Variants in CASZ1 observed in about 807,000 individuals in gnomAD.
CASZ1 encodes the protein zinc finger protein castor homolog 1.
A neutral mutation model predicts 135.2 loss-of-function variants in CASZ1; 28 were observed. That is an observed-to-expected ratio of 0.21 (90% CI 0.15 to 0.28). CASZ1 has a LOEUF of 0.28. CASZ1 is among the 10% of genes least tolerant of loss of function. CASZ1 has a pLI of 1.00. For missense variants in CASZ1, 2,161 were observed against 2,453.3 expected, an observed-to-expected ratio of 0.88 and a Z score of 2.52; for synonymous variants, 1,068 against 1,073.4, an observed-to-expected ratio of 0.99 and a Z score of 0.10.
intron 4 of CASZ1, among the ~76,000 whole-genome samples, chr1:10,678,177 G>A (rs912740348): frequency 5.3e-5 from 8 of 152,190 alleles, no homozygotes; most frequent in African/African-American, 7.2e-5. Context: ...AGAGGAACAC[G>A]GGGTGGCACA....
rs1400568467 is a variant in CASZ1, at chr1:10,767,558, G to A, written c.-233-6701C>T. Among the ~76,000 whole-genome samples the A allele has an allele frequency of 6.6e-6, 1 of 152,190 alleles. No homozygotes were observed. Among genetic ancestry groups the A allele is most frequent in the East Asian group, 1.9e-4 (1 of 5,198 alleles). Reference sequence around the variant, plus strand: ...AGCAGCTGCCTGCCCCGAGAGGTTTGGTCCACACCTGCTCGGAGACCAGGC... The same window carrying A: ...AGCAGCTGCCTGCCCCGAGAGGTTTAGTCCACACCTGCTCGGAGACCAGGC... On this transcript the variant is annotated intron_variant, in intron 1 of 20. Transcript: ENST00000377022. The surrounding 1 kb of genome is among the most constrained non-coding windows in gnomAD (Gnocchi z 4.2).
chr1:10,747,993 A>AT lies in CASZ1; in HGVS notation c.-77+12707dup, dbSNP rs1480720253. Among the ~76,000 whole-genome samples, 4 of 151,798 alleles carry AT rather than the reference A, an allele frequency of 2.6e-5. No homozygotes were observed. The highest frequency in any genetic ancestry group is 7.3e-5 in the African/African-American group (3 of 41,292). On this transcript the variant is annotated intron_variant, in intron 2 of 20. Coordinates refer to ENST00000377022, the MANE Select transcript of CASZ1 (RefSeq NM_001079843.3). This position sits in a 1 kb window ranked among gnomAD's most constrained non-coding sequence, Gnocchi z 4.3. ...CACCACGCCCGGCTAAGTTTTTTGT[A>AT]TTTTTTAGTGGAGACGGGGTTTCAC...
At chr1:10,743,340 G>A (rs537792913) in intron 2 of CASZ1, among the ~76,000 whole-genome samples, 10 of 151,466 alleles carry the variant, frequency 6.6e-5, no homozygotes, top group Non-Finnish European at 3.0e-5. Flanking sequence ...CTGTCCCCAC[G>A]GTCGGAGAAG....
chr1:10,647,548 C>A lies in CASZ1; in HGVS notation c.3497+253G>T, dbSNP rs1557461178. 2.2e-6 allele frequency: 3 copies of A among 1,387,296 alleles called. No homozygotes were observed. The highest frequency in any genetic ancestry group is 1.9e-6 in the Non-Finnish European group (2 of 1,069,192). 85.9% of individuals were successfully genotyped at this position (1,387,296 alleles called of 1,614,324 possible). A position where few individuals can be genotyped will look rare whatever the true frequency, so the allele number is the denominator to read the frequency against. On this transcript the variant is annotated intron_variant, in intron 16 of 20. Transcript: ENST00000377022. This position sits in a 1 kb window ranked among gnomAD's most constrained non-coding sequence, Gnocchi z 4.9. ...CCCCACCTGGCCCTGGCAGGATCAC[C>A]ACATGCCCTGCAGGAGCAGTAGCCA...
intron 2 of CASZ1, among the ~76,000 whole-genome samples, chr1:10,743,693 G>A (rs1639976940): frequency 6.6e-6 from 1 of 150,456 alleles, no homozygotes; most frequent in African/African-American, 2.5e-5. Flanking sequence ...GGGAGGAGAA[G>A]AGGGAAAGGG....
rs554202893 is a variant in CASZ1, at chr1:10,756,208, G to T, written c.-77+4493C>A. 3.3e-5 allele frequency among the ~76,000 whole-genome samples: 5 copies of T among 152,048 alleles called. No individual in the cohort carries two copies. In the South Asian group the frequency reaches 1.0e-3, roughly 32 times the overall value. ...CCAGCCTGCACTTCTGCTCTCTCCC[G>T]TTGCTGCCTCTGGAGGTCAGGCCTC... is the stretch of plus-strand genomic sequence containing the variant. On this transcript the variant is annotated intron_variant, in intron 2 of 20. Coordinates refer to ENST00000377022, the MANE Select transcript of CASZ1 (RefSeq NM_001079843.3). This position sits in a 1 kb window ranked among gnomAD's most constrained non-coding sequence, Gnocchi z 5.9.
Position 10,693,794 on chromosome 1 carries a change from T to C in CASZ1, c.16+80A>G, listed in dbSNP as rs1251489184. On this transcript the variant is annotated intron_variant, in intron 4 of 20. Transcript: ENST00000377022. ...CCCACCCGGCCCCGCCGCCACCTCA[T>C]TGGGCTAAAAATAAGAACTTCCGTA... 5.2e-5 allele frequency: 37 copies of C among 713,426 alleles called. No homozygotes were observed. In the East Asian group the frequency reaches 7.1e-4, roughly 14 times the overall value. The allele number at this position is 713,426 out of a possible 1,614,324, so 44.2% of individuals were successfully genotyped here. A position where few individuals can be genotyped will look rare whatever the true frequency, so the allele number is the denominator to read the frequency against.
At chr1:10,740,241 A>G (rs1230261006) in intron 2 of CASZ1, among the ~76,000 whole-genome samples, 2 of 152,188 alleles carry the variant, frequency 1.3e-5, no homozygotes, top group Non-Finnish European at 2.9e-5. Flanking sequence ...AGGCCTGTGT[A>G]TCTTCCCCAT....
chr1:10,742,048 C>A (rs899743557), intron 2 of CASZ1, among the ~76,000 whole-genome samples: 2 of 152,136 alleles, frequency 1.3e-5, no homozygotes, highest in African/African-American at 4.8e-5. Flanking sequence ...ACACTGGCTC[C>A]CAGCACTTTG....
rs889599896 is a variant in CASZ1, at chr1:10,665,450, C to T, written c.138G>A (p.Lys46=). The change falls in exon 5 of 21, where the codon AAG becomes AAA. Residue 46 remains lysine, a synonymous_variant. Coordinates refer to ENST00000377022, the MANE Select transcript of CASZ1 (RefSeq NM_001079843.3). ...AKLSRQVVVE[K]RADAGSHTEG... is the part of the protein sequence containing the mutation. ...CCGTGTGGGAGCCGGCGTCAGCTCG[C>T]TTCTCCACCACCACCTGGCGGCTCA... is the stretch of plus-strand genomic sequence containing the variant. 1.9e-6 allele frequency: 3 copies of T among 1,610,616 alleles called. No individual in the cohort carries two copies. The highest frequency in any genetic ancestry group is 1.1e-5 in the South Asian group (1 of 91,064).
rs1400564935 is a variant in CASZ1 at position 10,701,539 on chromosome 1, G to A, written c.-24+3953C>T. 1.3e-5 allele frequency among the ~76,000 whole-genome samples: 2 copies of A among 152,176 alleles called. No homozygotes were observed. The highest frequency in any genetic ancestry group is 1.3e-4 in the Admixed American group (2 of 15,290). On this transcript the variant is annotated intron_variant, in intron 3 of 20. Coordinates refer to ENST00000377022, the MANE Select transcript of CASZ1 (RefSeq NM_001079843.3). This position sits in a 1 kb window ranked among gnomAD's most constrained non-coding sequence, Gnocchi z 6.3. ...TGATGGAGTGATGGGAGGAGGGGGG[G>A]CGCGGTCAGAAGAAGGAGATAACGG...
intron 3 of CASZ1, among the ~76,000 whole-genome samples, chr1:10,702,592 G>A (rs1049414467): frequency 3.3e-5 from 5 of 152,206 alleles, no homozygotes; most frequent in East Asian, 2.0e-4. Flanking sequence ...GCAATGACCC[G>A]GGCCAGGGAG....
intron 1 of CASZ1, among the ~76,000 whole-genome samples, chr1:10,783,246 A>AGTGT (rs70997266): frequency 0.024 from 3,546 of 148,122 alleles, 113 homozygotes; most frequent in African/African-American, 0.074. Flanking sequence ...CCAGTGGAGA[A>AGTGT]GTGTGTGTGT....
Position 10,725,572 on chromosome 1 carries a change from G to C in CASZ1, c.-76-20028C>G, listed in dbSNP as rs1435689253. Among the ~76,000 whole-genome samples the C allele has an allele frequency of 6.6e-6, 1 of 152,220 alleles. No homozygotes were observed. The highest frequency in any genetic ancestry group is 1.5e-5 in the Non-Finnish European group (1 of 68,050). On this transcript the variant is annotated intron_variant, in intron 2 of 20. Coordinates refer to ENST00000377022, the MANE Select transcript of CASZ1 (RefSeq NM_001079843.3). The surrounding 1 kb of genome is among the most constrained non-coding windows in gnomAD (Gnocchi z 4.4). ...GTTCAGAATTTTAATGGTGTTGTAA[G>C]TAATTTTTAGGTAATCCACTCCAGA...
chr1:10,646,307 C>T lies in CASZ1; in HGVS notation c.3517G>A (p.Asp1173Asn), dbSNP rs1292969552. 6.2e-7 allele frequency: 1 copy of T among 1,614,082 alleles called. No individual in the cohort carries two copies. Among genetic ancestry groups the T allele is most frequent in the Admixed American group, 1.7e-5 (1 of 60,014 alleles). The change falls in exon 17 of 21, where the codon GAC (aspartate) becomes AAC (asparagine). Residue 1173 changes from aspartate (D) to asparagine (N), a missense_variant. Physicochemically the swap from Asp to Asn is conservative, Grantham distance 23 (BLOSUM62 1). This residue lies in a region of CASZ1 where 349 missense variants were observed against 460.8 expected (regional missense o/e 0.76). Transcript: ENST00000377022. The surrounding 1 kb of genome is among the most constrained non-coding windows in gnomAD (Gnocchi z 6.4). The stretch of plus-strand genomic sequence containing the variant: ...TGGAACTTGTTGGCGTACTTGCAGT[C>T]CGTGGCGAGGCAAGGATCGCTGGAA... ...FQENDPCLAT[D>N]CKYANKFHFH...
intron 4 of CASZ1, among the ~76,000 whole-genome samples, chr1:10,684,318 G>A (rs1023370148): frequency 2.0e-5 from 3 of 152,162 alleles, no homozygotes; most frequent in Non-Finnish European, 4.4e-5. Context: ...TTTCTAGGCC[G>A]GGTCAAGCTT....
At chr1:10,770,472 G>C (rs1163831663) in intron 1 of CASZ1, among the ~76,000 whole-genome samples, 1 of 152,154 alleles carries the variant, frequency 6.6e-6, no homozygotes, top group Non-Finnish European at 1.5e-5. Context: ...TTTTAAAAAG[G>C]CCCTAAAAGG....
Position 10,647,694 on chromosome 1 carries a change from C to G in CASZ1, c.3497+107G>C. 1 of 1,550,958 alleles carries G rather than the reference C, an allele frequency of 6.4e-7. No homozygotes were observed. Among genetic ancestry groups the G allele is most frequent in the Non-Finnish European group, 8.7e-7 (1 of 1,156,034 alleles). ...GGCCATGCCCCAGAGAGGCTGGGGACAGCAGCACCATCCGCAGTGAGGAAC... is the reference window on the plus strand; with the variant it reads ...GGCCATGCCCCAGAGAGGCTGGGGAGAGCAGCACCATCCGCAGTGAGGAAC... On this transcript the variant is annotated intron_variant, in intron 16 of 20. Transcript: ENST00000377022. The surrounding 1 kb of genome is among the most constrained non-coding windows in gnomAD (Gnocchi z 4.9).
Position 10,706,549 on chromosome 1 carries a change from G to A in CASZ1, c.-76-1005C>T, listed in dbSNP as rs1639177091. Among the ~76,000 whole-genome samples, 1 of 152,214 alleles carries A rather than the reference G, an allele frequency of 6.6e-6. No individual in the cohort carries two copies. Among genetic ancestry groups the A allele is most frequent in the Non-Finnish European group, 1.5e-5 (1 of 68,036 alleles). ...TCAGATTGGGGGGATTGTGGGAGAT[G>A]AGGTGACCTTGTTGAGGGCTCCCGG... is the stretch of plus-strand genomic sequence containing the variant. On this transcript the variant is annotated intron_variant, in intron 2 of 20. Transcript: ENST00000377022. This position sits in a 1 kb window ranked among gnomAD's most constrained non-coding sequence, Gnocchi z 4.3.
Sources: gnomAD v4.1 joint callset for allele counts (sites outside exome capture counted in the v4.1 genomes callset) on GRCh38, gnomAD v4.1.1 for gene constraint, gnomAD v4.1.1 regional missense constraint, Gnocchi (gnomAD v3.1) non-coding constraint, MANE v1.5 for transcripts, NCBI Gene and HGNC (gene_info 2026-07-23, HGNC 2026-07-21) for gene names.